The following SLC35F1 variants were observed in gnomAD, a reference collection of about 807,000 sequenced individuals.
The protein encoded by SLC35F1 is solute carrier family 35 member F1.
Under a neutral mutation model 48.7 loss-of-function variants are expected in SLC35F1, and 14 were observed. That is an observed-to-expected ratio of 0.29 (90% CI 0.19 to 0.45). The LOEUF (loss-of-function observed/expected upper bound fraction) is 0.45, where lower values mean the gene tolerates loss of function less well. SLC35F1 is among the 20% of genes least tolerant of loss of function. SLC35F1 has a pLI of 1.00. For synonymous variants in SLC35F1, 190 were observed against 202.2 expected, an observed-to-expected ratio of 0.94 and a Z score of 0.51; for missense variants, 404 against 500.0, an observed-to-expected ratio of 0.81 and a Z score of 1.83.
chr6:118,288,480 C>T (rs1043560472), intron 7 of SLC35F1, among the ~76,000 whole-genome samples: 3 of 152,202 alleles, frequency 2.0e-5, no homozygotes, highest in Non-Finnish European at 4.4e-5. Flanking sequence ...TAAACATTTT[C>T]TGATCAGCAG....
intron 1 of SLC35F1, among the ~76,000 whole-genome samples, chr6:118,091,810 A>C (rs1773077744): frequency 6.6e-6 from 1 of 152,178 alleles, no homozygotes; most frequent in East Asian, 1.9e-4. Context: ...AATGCTGATA[A>C]TATTGTGGAC....
At chr6:118,010,733 CTTG>C (rs1183862506) in intron 1 of SLC35F1, among the ~76,000 whole-genome samples, 3 of 152,136 alleles carry the variant, frequency 2.0e-5, no homozygotes, top group Non-Finnish European at 4.4e-5. Context: ...TTTAACCAAT[CTTG>C]TTGTGTTTAC....
At chr6:117,962,297 C>T (rs1454406262) in intron 1 of SLC35F1, among the ~76,000 whole-genome samples, 1 of 152,052 alleles carries the variant, frequency 6.6e-6, no homozygotes, top group African/African-American at 2.4e-5. Flanking sequence ...AAATTAGTCC[C>T]CTGGTATTTT....
At chr6:117,941,865 A>C (rs955059567) in intron 1 of SLC35F1, among the ~76,000 whole-genome samples, 1 of 152,318 alleles carries the variant, frequency 6.6e-6, no homozygotes, top group Admixed American at 6.5e-5. Context: ...GAAAACCTGG[A>C]TAAAATTAGC....
At position 117,923,660 on chromosome 6, in the gene SLC35F1, TATATATAC is replaced by T. The variant is rs1775947398; in HGVS notation, c.173+15768_173+15775del. On this transcript the variant is annotated intron_variant, in intron 1 of 7. Coordinates refer to ENST00000360388, the MANE Select transcript of SLC35F1 (RefSeq NM_001029858.4). ...GTACATATGTACATATGTACATATG[TATATATAC>T]ATATATGTACATATATACATATGTA... Among the ~76,000 whole-genome samples, 6 of 33,882 alleles carry T rather than the reference TATATATAC, an allele frequency of 1.8e-4. 2 individuals are homozygous for T. The highest frequency in any genetic ancestry group is 2.1e-4 in the African/African-American group (2 of 9,742). 22.2% of individuals were successfully genotyped at this position (33,882 alleles called of 152,430 possible). A position where few individuals can be genotyped will look rare whatever the true frequency, so the allele number is the denominator to read the frequency against.
At chr6:117,947,242 G>T (rs915205668) in intron 1 of SLC35F1, among the ~76,000 whole-genome samples, 1 of 152,164 alleles carries the variant, frequency 6.6e-6, no homozygotes, top group African/African-American at 2.4e-5. Context: ...GAAGGAACCA[G>T]AAATGCAAAT....
At chr6:117,988,637 A>G (rs1458904409) in intron 1 of SLC35F1, among the ~76,000 whole-genome samples, 1 of 152,210 alleles carries the variant, frequency 6.6e-6, no homozygotes, top group East Asian at 1.9e-4. Context: ...GACCAGCCTG[A>G]CCATTAACTC....
chr6:118,309,912 T>C (rs1401437170), intron 7 of SLC35F1, among the ~76,000 whole-genome samples: 1 of 152,170 alleles, frequency 6.6e-6, no homozygotes. Flanking sequence ...TGTGTCTCAG[T>C]CAGATTGTTT....
intron 1 of SLC35F1, chr6:117,999,343 C>G: frequency 6.3e-7 from 1 of 1,591,086 alleles, no homozygotes; most frequent in Non-Finnish European, 8.5e-7. Context: ...GGCCAAAGGC[C>G]AAGGCCAAGG....
chr6:118,000,198 C>T (rs1332753169), intron 1 of SLC35F1, among the ~76,000 whole-genome samples: 1 of 152,122 alleles, frequency 6.6e-6, no homozygotes, highest in Non-Finnish European at 1.5e-5. Context: ...CAAAAATCCT[C>T]AATAAAATAC....
chr6:118,157,489 C>T lies in SLC35F1; in HGVS notation c.349+2869C>T, dbSNP rs544797444. Among the ~76,000 whole-genome samples, 239 of 152,076 alleles carry T rather than the reference C, an allele frequency of 1.6e-3. 1 individual carries two copies. The highest frequency in any genetic ancestry group is 5.5e-3 in the African/African-American group (229 of 41,460). Reference sequence around the variant, plus strand: ...TGACTCATGATCACAAGGTGAAGTCCCACAATAGGCCGTCTGCAAGCTGAG... The same window carrying T: ...TGACTCATGATCACAAGGTGAAGTCTCACAATAGGCCGTCTGCAAGCTGAG... On this transcript the variant is annotated intron_variant, in intron 2 of 7. Transcript: ENST00000360388.
At chr6:118,265,448 C>T (rs1775760125) in intron 3 of SLC35F1, among the ~76,000 whole-genome samples, 2 of 152,170 alleles carry the variant, frequency 1.3e-5, no homozygotes, top group South Asian at 4.1e-4. Flanking sequence ...ACAAAAGCAT[C>T]AAACAGGACT....
intron 1 of SLC35F1, among the ~76,000 whole-genome samples, chr6:118,062,365 A>G (rs1177000889): frequency 1.3e-5 from 2 of 152,070 alleles, no homozygotes; most frequent in African/African-American, 4.8e-5. Flanking sequence ...TTTTTATTTG[A>G]TTTTTTAAAA....
chr6:117,930,902 G>A lies in SLC35F1; in HGVS notation c.173+23003G>A, dbSNP rs74851148. 3.2e-4 allele frequency among the ~76,000 whole-genome samples: 48 copies of A among 152,252 alleles called. No homozygotes were observed. The East Asian group carries it at 5.2e-3, about 17-fold the overall frequency. ...TAAAGAGTTCTCCAGTGTAATTTCC[G>A]GAAGGAACAGGCACAGAACAGGATT... On this transcript the variant is annotated intron_variant, in intron 1 of 7. Transcript: ENST00000360388.
At chr6:117,990,172 G>A (rs1268868693) in intron 1 of SLC35F1, among the ~76,000 whole-genome samples, 1 of 152,146 alleles carries the variant, frequency 6.6e-6, no homozygotes, top group African/African-American at 2.4e-5. Flanking sequence ...AAAGGCATCA[G>A]GTGAAGATCC....
chr6:118,288,485 C>T (rs555907511), intron 7 of SLC35F1, among the ~76,000 whole-genome samples: 6 of 152,186 alleles, frequency 3.9e-5, no homozygotes, highest in Admixed American at 1.3e-4. Flanking sequence ...ATTTTCTGAT[C>T]AGCAGTTGGT....
At chr6:117,924,513 C>CAT (rs746173617) in intron 1 of SLC35F1, among the ~76,000 whole-genome samples, 5 of 144,436 alleles carry the variant, frequency 3.5e-5, no homozygotes, top group Middle Eastern at 3.6e-3. Flanking sequence ...TACGTATATA[C>CAT]ATATATATAT....
At chr6:118,015,392 A>G (rs546803435) in intron 1 of SLC35F1, among the ~76,000 whole-genome samples, 2 of 152,134 alleles carry the variant, frequency 1.3e-5, no homozygotes, top group East Asian at 3.9e-4. Flanking sequence ...TTTGTCACCC[A>G]GGTAATAAGC....
intron 1 of SLC35F1, among the ~76,000 whole-genome samples, chr6:118,022,001 A>G (rs1777401978): frequency 6.6e-6 from 1 of 152,148 alleles, no homozygotes; most frequent in Non-Finnish European, 1.5e-5. Flanking sequence ...CTTCTGCCAC[A>G]TTTTGTTGGT....
Sources: allele counts gnomAD v4.1 joint callset (sites outside exome capture counted in the v4.1 genomes callset), GRCh38; gene constraint gnomAD v4.1.1; transcripts MANE v1.5; gene names NCBI Gene and HGNC (gene_info 2026-07-23, HGNC 2026-07-21).